The following PSEN1 variants were observed in gnomAD, a reference collection of about 807,000 sequenced individuals.
The protein encoded by PSEN1 is presenilin-1.
In PSEN1, 15 loss-of-function variants were observed where a neutral mutation model predicts 53.5. The ratio of observed to expected loss-of-function variants is 0.28; its 90% CI spans 0.19 to 0.43. The LOEUF (loss-of-function observed/expected upper bound fraction) is 0.43. Ranked by LOEUF, PSEN1 falls within the 20% of genes least tolerant of loss-of-function variation. The probability of loss-of-function intolerance (pLI) is 1.00; values close to 1 mark genes in which losing one functional copy is unlikely to be tolerated. For missense variants in PSEN1, 387 were observed against 571.2 expected (o/e 0.68, Z 3.29); for synonymous variants, 208 against 209.8 (o/e 0.99, Z 0.08).
intron 3 of PSEN1, among the ~76,000 whole-genome samples, chr14:73,152,576 C>T (rs1274925225): frequency 1.3e-5 from 2 of 151,330 alleles, no homozygotes; most frequent in African/African-American, 2.4e-5. Context: ...CACTGCACCC[C>T]AGTGCAGTGT....
chr14:73,145,168 CA>C (rs1425884847), intron 1 of PSEN1, among the ~76,000 whole-genome samples: 2 of 152,022 alleles, frequency 1.3e-5, no homozygotes, highest in African/African-American at 4.8e-5. Flanking sequence ...GCTGGGATTA[CA>C]GGCATGAGCC....
chr14:73,184,350 G>A (rs1898372943), intron 5 of PSEN1, among the ~76,000 whole-genome samples: 2 of 103,508 alleles, frequency 1.9e-5, no homozygotes, highest in African/African-American at 8.6e-5. Context: ...GGGCAGAGGC[G>A]CCCCTCACCT....
chr14:73,164,317 A>G (rs1594987259), intron 3 of PSEN1, among the ~76,000 whole-genome samples: 1 of 152,234 alleles, frequency 6.6e-6, no homozygotes, highest in East Asian at 1.9e-4. Context: ...CTAATTCCAT[A>G]GTGCCGACGA....
At position 73,197,730 on chromosome 14, in the gene PSEN1, C is replaced by T. The variant is rs1471305966; in HGVS notation, c.770-301C>T. On this transcript the variant is annotated intron_variant, in intron 7 of 11. Coordinates refer to ENST00000324501, the MANE Select transcript of PSEN1 (RefSeq NM_000021.4). Reference sequence around the variant, plus strand: ...ATCTCATCATTATCTCTGCAGCTTTCCTTTAAACTAGGAAGACTTGTTCCT... The same window carrying T: ...ATCTCATCATTATCTCTGCAGCTTTTCTTTAAACTAGGAAGACTTGTTCCT... 15 of 382,380 alleles carry T rather than the reference C, an allele frequency of 3.9e-5. No individual in the cohort carries two copies. The East Asian group carries it at 8.8e-4, about 22-fold the overall frequency. 23.7% of individuals were successfully genotyped at this position (382,380 alleles called of 1,614,324 possible).
intron 9 of PSEN1, 80 bp from the exon 10 acceptor site, chr14:73,211,689 G>A (rs1336261353): frequency 1.3e-6 from 2 of 1,484,404 alleles, no homozygotes; most frequent in Non-Finnish European, 1.9e-6. Flanking sequence ...ATGACAGCTA[G>A]TTACTGTTTC....
At position 73,150,627 on chromosome 14, in the gene PSEN1, G is replaced by A. The variant is rs575244414; in HGVS notation, c.87+2521G>A. On this transcript the variant is annotated intron_variant, in intron 3 of 11. Transcript: ENST00000324501. ...AAAAAAATGCAAAATTTAGCCAGGC[G>A]TGATGGCAGGCACCTGTAATCCCAG... is the stretch of plus-strand genomic sequence containing the variant. Among the ~76,000 whole-genome samples, 17 of 151,910 alleles carry A rather than the reference G, an allele frequency of 1.1e-4. No homozygotes were observed. The East Asian group carries it at 2.5e-3, about 22-fold the overall frequency.
At chr14:73,159,237 A>T (rs1016306135) in intron 3 of PSEN1, among the ~76,000 whole-genome samples, 1 of 149,640 alleles carries the variant, frequency 6.7e-6, no homozygotes, top group African/African-American at 2.5e-5. Flanking sequence ...GCTGGAGTAT[A>T]GTGGTGTGAT....
intron 1 of PSEN1, among the ~76,000 whole-genome samples, chr14:73,143,840 C>G (rs1896992064): frequency 6.6e-6 from 1 of 151,912 alleles, no homozygotes; most frequent in Non-Finnish European, 1.5e-5. Context: ...AAGACCCTTT[C>G]TCTAAATAAA....
At chr14:73,158,310 A>ATCTG (rs1273069001) in intron 3 of PSEN1, among the ~76,000 whole-genome samples, 1 of 151,332 alleles carries the variant, frequency 6.6e-6, no homozygotes, top group Non-Finnish European at 1.5e-5. Flanking sequence ...CTATCTATCT[A>ATCTG]TCTATCTATC....
At chr14:73,143,200 A>G (rs1213271659) in intron 1 of PSEN1, among the ~76,000 whole-genome samples, 1 of 152,192 alleles carries the variant, frequency 6.6e-6, no homozygotes, top group South Asian at 2.1e-4. Flanking sequence ...TCTTTGTACC[A>G]GTAGCGCTTG....
chr14:73,186,909 C>G lies in PSEN1; in HGVS notation c.537C>G (p.Phe179Leu). Residue 179 changes from phenylalanine to leucine, a missense_variant, in exon 6 of 12, where the codon TTC becomes TTG. Physicochemically the swap from Phe to Leu is conservative, Grantham distance 22. Around this residue, in one of 4 missense-constraint regions of PSEN1, gnomAD observed 169 missense variants for 299.7 expected, o/e 0.56. Transcript: ENST00000324501. ...SSLLLLFFFS[F>L]IYLGEVFKTY... ...TATTGTTGCTGTTCTTTTTTTCATT[C>G]ATTTACTTGGGGTAAGTTGTGAAAT... 6.2e-7 allele frequency: 1 copy of G among 1,612,886 alleles called. No homozygotes were observed. The highest frequency in any genetic ancestry group is 2.2e-5 in the East Asian group (1 of 44,868).
intron 6 of PSEN1, among the ~76,000 whole-genome samples, chr14:73,190,911 C>CA (rs1327230128): frequency 2.0e-5 from 3 of 152,184 alleles, no homozygotes; most frequent in Non-Finnish European, 4.4e-5. Context: ...TAAATATCTA[C>CA]ATCGTCCAGA....
intron 9 of PSEN1, among the ~76,000 whole-genome samples, chr14:73,210,527 A>T (rs1899634476): frequency 1.3e-5 from 2 of 152,188 alleles, no homozygotes; most frequent in Admixed American, 1.3e-4. Context: ...TTAATTATGG[A>T]GGTAAATACC....
intron 1 of PSEN1, among the ~76,000 whole-genome samples, chr14:73,144,029 G>T (rs1594959260): frequency 8.7e-6 from 1 of 115,082 alleles, no homozygotes; most frequent in Non-Finnish European, 1.8e-5. Context: ...TTGCATTATA[G>T]CTTATCTTTT....
intron 1 of PSEN1, among the ~76,000 whole-genome samples, chr14:73,144,972 A>T (rs2140501296): frequency 6.6e-6 from 1 of 152,292 alleles, no homozygotes; most frequent in Admixed American, 6.5e-5. Flanking sequence ...GCTTCACTGC[A>T]ACCTCCACCT....
chr14:73,139,753 T>G lies in PSEN1; in HGVS notation c.-136+3170T>G, dbSNP rs533740952. Among the ~76,000 whole-genome samples, 292 of 152,286 alleles carry G rather than the reference T, an allele frequency of 1.9e-3. 2 individuals are homozygous for G. Among genetic ancestry groups the G allele is most frequent in the Middle Eastern group, 6.8e-3 (2 of 294 alleles). On this transcript the variant is annotated intron_variant, in intron 1 of 11. Coordinates refer to ENST00000324501, the MANE Select transcript of PSEN1 (RefSeq NM_000021.4). ...TTAAGTAAACAGAAGTAATACCTGATTAATTAGAATTCCCAACCCTCATCA... is the reference window on the plus strand; with the variant it reads ...TTAAGTAAACAGAAGTAATACCTGAGTAATTAGAATTCCCAACCCTCATCA...
intron 9 of PSEN1, among the ~76,000 whole-genome samples, chr14:73,210,098 T>C (rs934699160): frequency 2.5e-4 from 38 of 152,172 alleles, no homozygotes; most frequent in African/African-American, 8.2e-4. Context: ...CAAAAGGGCA[T>C]AGGGCTCCAA....
intron 3 of PSEN1, among the ~76,000 whole-genome samples, chr14:73,165,252 G>A (rs777214326): frequency 1.1e-4 from 16 of 151,874 alleles, no homozygotes; most frequent in Non-Finnish European, 2.1e-4. Context: ...CACCACGCCC[G>A]GCCCAAACTG....
At chr14:73,195,608 A>G (rs1898907581) in intron 7 of PSEN1, among the ~76,000 whole-genome samples, 1 of 151,766 alleles carries the variant, frequency 6.6e-6, no homozygotes, top group Non-Finnish European at 1.5e-5. Context: ...TTTCTGTTTT[A>G]AGAAACAGGA....
Sources: allele counts gnomAD v4.1 joint callset (sites outside exome capture counted in the v4.1 genomes callset), GRCh38; gene constraint gnomAD v4.1.1; regional missense constraint gnomAD v4.1.1; transcripts MANE v1.5; gene names NCBI Gene and HGNC (gene_info 2026-07-23, HGNC 2026-07-21).